Variants in SORCS1 observed in about 807,000 individuals in gnomAD.
SORCS1 encodes VPS10 domain-containing receptor SorCS1.
Under a neutral mutation model 146.1 loss-of-function variants are expected in SORCS1, and 60 were observed. The ratio of observed to expected loss-of-function variants is 0.41; its 90% CI spans 0.33 to 0.51. The LOEUF is 0.51. Among genes scored for constraint, SORCS1 ranks in the 20% least tolerant of loss-of-function variants. The probability of loss-of-function intolerance (pLI) is 0.21; values close to 1 mark genes in which losing one functional copy is unlikely to be tolerated. For synonymous variants in SORCS1, 637 were observed against 584.0 expected, an observed-to-expected ratio of 1.09 and a Z score of -1.31; for missense variants, 1,352 against 1,487.6, an observed-to-expected ratio of 0.91 and a Z score of 1.50.
At chr10:106,988,208 C>T (rs1301338295) in intron 1 of SORCS1, among the ~76,000 whole-genome samples, 1 of 152,204 alleles carries the variant, frequency 6.6e-6, no homozygotes, top group Non-Finnish European at 1.5e-5. Flanking sequence ...TAGAGTCATG[C>T]CATACTCACT....
intron 5 of SORCS1, among the ~76,000 whole-genome samples, chr10:106,732,749 T>C (rs115011299): frequency 3.9e-5 from 6 of 152,208 alleles, no homozygotes; most frequent in African/African-American, 1.4e-4. Flanking sequence ...ATAGCAGTAG[T>C]TTTTAAAAAT....
upstream of SORCS1, among the ~76,000 whole-genome samples, chr10:107,166,958 GA>G (rs1441174111): frequency 1.3e-5 from 2 of 152,224 alleles, no homozygotes; most frequent in African/African-American, 4.8e-5. Flanking sequence ...CGTACAAGTA[GA>G]GTAGATTTTT....
chr10:106,891,963 A>G (rs1294566165), intron 2 of SORCS1, among the ~76,000 whole-genome samples: 1 of 152,172 alleles, frequency 6.6e-6, no homozygotes, highest in African/African-American at 2.4e-5. Context: ...AGCGTTCTCA[A>G]TTGGGTAAGC....
intron 1 of SORCS1, among the ~76,000 whole-genome samples, chr10:107,067,995 G>C (rs1962048832): frequency 6.6e-6 from 1 of 152,062 alleles, no homozygotes; most frequent in Admixed American, 6.5e-5. Flanking sequence ...AAACAGAAAC[G>C]CTGCTTCCAT....
chr10:106,809,679 T>C (rs1298932070), intron 3 of SORCS1, among the ~76,000 whole-genome samples: 1 of 152,106 alleles, frequency 6.6e-6, no homozygotes, highest in Non-Finnish European at 1.5e-5. Flanking sequence ...TCACTATATA[T>C]ATATATAAAA....
At chr10:106,760,902 T>G (rs958009540) in intron 5 of SORCS1, among the ~76,000 whole-genome samples, 1 of 151,738 alleles carries the variant, frequency 6.6e-6, no homozygotes, top group Non-Finnish European at 1.5e-5. Flanking sequence ...AGGTCAGGAG[T>G]TCAAGACCAG....
intron 1 of SORCS1, among the ~76,000 whole-genome samples, chr10:107,144,570 G>T (rs1170089340): frequency 2.0e-5 from 3 of 152,168 alleles, no homozygotes; most frequent in Non-Finnish European, 4.4e-5. Context: ...ACACCACCTG[G>T]GTTTAAAGAA....
Position 107,087,089 on chromosome 10 carries a change from G to T in SORCS1, c.558+76880C>A, listed in dbSNP as rs373722742. ...ACATGGAAAGAACACTAGACTGAGG[G>T]TTTCAATTTTAGATTTTATTTTTAT... On this transcript the variant is annotated intron_variant, in intron 1 of 25. Transcript: ENST00000263054. 1.9e-3 allele frequency among the ~76,000 whole-genome samples: 290 copies of T among 152,116 alleles called. 2 individuals are homozygous for T. Among genetic ancestry groups the T allele is most frequent in the Non-Finnish European group, 3.2e-3 (217 of 68,016 alleles).
At chr10:106,908,651 C>T (rs1245490622) in intron 2 of SORCS1, among the ~76,000 whole-genome samples, 3 of 152,172 alleles carry the variant, frequency 2.0e-5, no homozygotes, top group Non-Finnish European at 4.4e-5. Flanking sequence ...TCCATTCTGT[C>T]CATTCTTTCC....
At chr10:107,119,327 G>GTTTACC (rs1279085630) in intron 1 of SORCS1, among the ~76,000 whole-genome samples, 2 of 152,162 alleles carry the variant, frequency 1.3e-5, no homozygotes, top group African/African-American at 4.8e-5. Context: ...GTGGCCCTTT[G>GTTTACC]TACATTTCAT....
intron 3 of SORCS1, among the ~76,000 whole-genome samples, chr10:106,801,690 C>T (rs1031800888): frequency 3.9e-4 from 59 of 152,060 alleles, no homozygotes; most frequent in African/African-American, 1.1e-3. Flanking sequence ...CCACCACGCC[C>T]GGCTAATTTT....
At chr10:107,036,752 C>G (rs1446215267) in intron 1 of SORCS1, among the ~76,000 whole-genome samples, 1 of 152,204 alleles carries the variant, frequency 6.6e-6, no homozygotes, top group Non-Finnish European at 1.5e-5. Flanking sequence ...TCCTGCATCT[C>G]ACGAATACCC....
chr10:106,922,520 T>C (rs1952763285), intron 2 of SORCS1, among the ~76,000 whole-genome samples: 1 of 152,226 alleles, frequency 6.6e-6, no homozygotes, highest in Non-Finnish European at 1.5e-5. Context: ...GGGGATTTTT[T>C]TTATTAGGCT....
At chr10:107,039,086 T>C (rs183090564) in intron 1 of SORCS1, among the ~76,000 whole-genome samples, 3 of 152,042 alleles carry the variant, frequency 2.0e-5, no homozygotes, top group African/African-American at 7.2e-5. Flanking sequence ...TCCCAGCACT[T>C]TGGGAGGCTG....
chr10:107,143,330 T>A (rs181741245), intron 1 of SORCS1, among the ~76,000 whole-genome samples: 1 of 152,250 alleles, frequency 6.6e-6, no homozygotes, highest in African/African-American at 2.4e-5. Context: ...TATTTTGTTT[T>A]GTTGTTTTTG....
At chr10:106,990,886 G>A (rs993470044) in intron 1 of SORCS1, among the ~76,000 whole-genome samples, 8 of 148,062 alleles carry the variant, frequency 5.4e-5, no homozygotes, top group African/African-American at 2.0e-4. Flanking sequence ...TCTTTTATTT[G>A]AGGCACACTA....
chr10:106,879,794 T>C (rs1950742193), intron 2 of SORCS1, among the ~76,000 whole-genome samples: 1 of 152,142 alleles, frequency 6.6e-6, no homozygotes, highest in Non-Finnish European at 1.5e-5. Context: ...CCTACAGCCT[T>C]AGGACCTGGA....
At chr10:107,153,921 T>C (rs1969049592) in intron 1 of SORCS1, among the ~76,000 whole-genome samples, 2 of 152,120 alleles carry the variant, frequency 1.3e-5, no homozygotes, top group African/African-American at 2.4e-5. Flanking sequence ...CTGCTTTTTT[T>C]CCCACAAAAG....
intron 1 of SORCS1, among the ~76,000 whole-genome samples, chr10:107,009,094 T>C (rs1246333787): frequency 2.0e-5 from 3 of 152,254 alleles, no homozygotes; most frequent in Admixed American, 2.0e-4. Flanking sequence ...ATTTGTTATT[T>C]GGTTAAATTA....
Sources: gnomAD v4.1 joint callset for allele counts (sites outside exome capture counted in the v4.1 genomes callset) on GRCh38, gnomAD v4.1.1 for gene constraint, MANE v1.5 for transcripts, NCBI Gene and HGNC (gene_info 2026-07-23, HGNC 2026-07-21) for gene names.